Variants in SYNE3 observed in about 807,000 individuals in gnomAD.
SYNE3 encodes the protein nesprin-3.
Under a neutral mutation model 111.2 loss-of-function variants are expected in SYNE3, and 100 were observed. That is an observed-to-expected ratio of 0.90 (90% CI 0.77 to 1.06). SYNE3 has a LOEUF of 1.06. SYNE3 is among the 50% of genes least tolerant of loss of function. The probability of loss-of-function intolerance (pLI) is 0.00; values close to 1 mark genes in which losing one functional copy is unlikely to be tolerated. For missense variants in SYNE3, 1,160 were observed against 1,240.3 expected, an observed-to-expected ratio of 0.94 and a Z score of 0.97; for synonymous variants, 547 against 533.9, an observed-to-expected ratio of 1.02 and a Z score of -0.34.
rs561918088 is a variant in SYNE3, at chr14:95,457,233, C to A, written c.733G>T (p.Gly245Cys). 3.2e-5 allele frequency: 51 copies of A among 1,614,034 alleles called. No homozygotes were observed. The highest frequency in any genetic ancestry group is 4.2e-5 in the Non-Finnish European group (50 of 1,180,034). The change falls in exon 5 of 18, where the codon GGC (glycine) becomes TGC (cysteine). Residue 245 changes from glycine (G) to cysteine (C), a missense_variant. Coordinates refer to ENST00000682763, the MANE Select transcript of SYNE3 (RefSeq NM_152592.6). ...WLKAVVEKVNGCLGRNCKLPI... is the reference protein window; with the variant it reads ...WLKAVVEKVNCCLGRNCKLPI... ...AGCTTGCAGTTCCGCCCCAGGCAGC[C>A]ATTCACCTTCTCCACCACCGCCTTC...
chr14:95,469,034 T>C (rs1888362468), intron 2 of SYNE3, among the ~76,000 whole-genome samples: 1 of 152,186 alleles, frequency 6.6e-6, no homozygotes, highest in African/African-American at 2.4e-5. Flanking sequence ...GGGAGAGCCA[T>C]GAGCACGCTG....
At position 95,500,478 on chromosome 14, in the gene SYNE3, C is replaced by T. The variant is rs1890295328; in HGVS notation, c.-15+16118G>A. Among the ~76,000 whole-genome samples the T allele has an allele frequency of 6.6e-6, 1 of 152,210 alleles. No individual in the cohort carries two copies. The highest frequency in any genetic ancestry group is 2.4e-5 in the African/African-American group (1 of 41,448). On this transcript the variant is annotated intron_variant, in intron 1 of 17. Transcript: ENST00000682763. The surrounding 1 kb of genome is among the most constrained non-coding windows in gnomAD (Gnocchi z 4.7). ...CCAGACCTCAGCACCAGCGGCCGCC[C>T]ACAGCCAGGCAGCAGGGAGAAGCTG...
At chr14:95,489,638 G>A (rs2139564869) in intron 1 of SYNE3, among the ~76,000 whole-genome samples, 1 of 152,338 alleles carries the variant, frequency 6.6e-6, no homozygotes, top group African/African-American at 2.4e-5. Context: ...TATTTTTAGA[G>A]ACAGGGTCTT....
At chr14:95,439,425 G>A (rs916775580) in intron 13 of SYNE3, among the ~76,000 whole-genome samples, 187 bp downstream of exon 13, 14 of 152,196 alleles carry the variant, frequency 9.2e-5, no homozygotes, top group Non-Finnish European at 1.5e-4. Flanking sequence ...CTCCCAAGAC[G>A]GGGACATTTC....
At chr14:95,489,730 C>T (rs548648632) in intron 1 of SYNE3, among the ~76,000 whole-genome samples, 67 of 151,620 alleles carry the variant, frequency 4.4e-4, no homozygotes, top group Non-Finnish European at 6.3e-4. Flanking sequence ...ACTACAGTCA[C>T]GAGCCACCAT....
intron 1 of SYNE3, among the ~76,000 whole-genome samples, chr14:95,481,824 G>A (rs1889275216): frequency 6.6e-6 from 1 of 152,272 alleles, no homozygotes; most frequent in Admixed American, 6.5e-5. Flanking sequence ...AATTGGCCGA[G>A]ATGCAATTTG....
rs765842954 is a variant in SYNE3, at chr14:95,436,803, T to G, written c.2538+17A>C. ...GTGCAAACCTTATGGATGAGGGACCTTTCCTGGGGAACAGACCTGCAGCTT... is the reference window on the plus strand; with the variant it reads ...GTGCAAACCTTATGGATGAGGGACCGTTCCTGGGGAACAGACCTGCAGCTT... On this transcript the variant is annotated intron_variant, in intron 15 of 17. Transcript: ENST00000682763. 2 of 1,612,868 alleles carry G rather than the reference T, an allele frequency of 1.2e-6. No homozygotes were observed. The highest frequency in any genetic ancestry group is 1.7e-6 in the Non-Finnish European group (2 of 1,179,756).
At chr14:95,471,944 C>T (rs1394719205) in intron 2 of SYNE3, among the ~76,000 whole-genome samples, 1 of 152,208 alleles carries the variant, frequency 6.6e-6, no homozygotes, top group African/African-American at 2.4e-5. Flanking sequence ...AGGTGACCCC[C>T]AGCTGAGCAT....
chr14:95,454,743 C>T (rs1307828262), intron 6 of SYNE3, among the ~76,000 whole-genome samples: 1 of 152,228 alleles, frequency 6.6e-6, no homozygotes, highest in Non-Finnish European at 1.5e-5. Flanking sequence ...TTGGAGGTAT[C>T]TCCTCTCATG....
intron 6 of SYNE3, among the ~76,000 whole-genome samples, chr14:95,453,990 CA>C (rs1461882861): frequency 5.3e-5 from 8 of 152,272 alleles, no homozygotes; most frequent in Non-Finnish European, 1.2e-4. Context: ...TTGGGAGGCT[CA>C]GGAGGGTGGA....
At position 95,446,109 on chromosome 14, in the gene SYNE3, T is replaced by C. The variant is rs1431421213; in HGVS notation, c.1450-18A>G. 8.7e-6 allele frequency: 14 copies of C among 1,613,420 alleles called. No individual in the cohort carries two copies. Among genetic ancestry groups the C allele is most frequent in the Non-Finnish European group, 1.1e-5 (13 of 1,179,786 alleles). ...AGGGCTGCCTGTGGGAGACAAGGCT[T>C]CCGTGAACCACAGACCGGGCAGGAC... On this transcript the variant is annotated intron_variant, in intron 8 of 17. Coordinates refer to ENST00000682763, the MANE Select transcript of SYNE3 (RefSeq NM_152592.6).
chr14:95,489,139 C>A (rs1043700900), intron 1 of SYNE3, among the ~76,000 whole-genome samples: 1 of 152,218 alleles, frequency 6.6e-6, no homozygotes, highest in African/African-American at 2.4e-5. Context: ...CAACTCCCTG[C>A]AGGCAACTCT....
At chr14:95,464,648 G>A (rs7158966) in intron 4 of SYNE3, among the ~76,000 whole-genome samples, 105,887 of 152,030 alleles carry the variant, frequency 0.7, 37,138 homozygotes, top group African/African-American at 0.76. Context: ...TCACTGACAT[G>A]AAAATAGGAG....
At chr14:95,432,526 G>A (rs529823550) in intron 16 of SYNE3, among the ~76,000 whole-genome samples, 10 of 152,270 alleles carry the variant, frequency 6.6e-5, no homozygotes, top group Non-Finnish European at 1.0e-4. Context: ...CTTAATGTCC[G>A]TGCCTCAGTT....
chr14:95,428,037 A>G (rs1885538316), intron 17 of SYNE3, among the ~76,000 whole-genome samples: 1 of 152,240 alleles, frequency 6.6e-6, no homozygotes. Flanking sequence ...AACAGCAACC[A>G]AGATGGTGCA....
At chr14:95,418,094 G>A (rs960103608) in intron 17 of SYNE3, 68 bp from the exon 18 acceptor site, 9 of 1,547,748 alleles carry the variant, frequency 5.8e-6, no homozygotes, top group Non-Finnish European at 7.9e-6. Context: ...GGTTCAGGGG[G>A]CGAGGAGGAT....
rs190608812 is a variant in SYNE3, at chr14:95,421,367, C to T, written c.2728-3341G>A. 3.8e-4 allele frequency among the ~76,000 whole-genome samples: 58 copies of T among 152,212 alleles called. No homozygotes were observed. The South Asian group carries it at 4.8e-3, about 13-fold the overall frequency. ...TCTGAGACTCCAGATTTCTGGGGATCGCAGGCTAGAGTTCATCACAGTCCA... is the reference window on the plus strand; with the variant it reads ...TCTGAGACTCCAGATTTCTGGGGATTGCAGGCTAGAGTTCATCACAGTCCA... On this transcript the variant is annotated intron_variant, in intron 17 of 17. Transcript: ENST00000682763.
chr14:95,424,297 C>A (rs555071457), intron 17 of SYNE3, among the ~76,000 whole-genome samples: 23 of 151,736 alleles, frequency 1.5e-4, no homozygotes, highest in Non-Finnish European at 3.1e-4. Flanking sequence ...GGAGAGCCAC[C>A]CACCAGATGG....
intron 1 of SYNE3, among the ~76,000 whole-genome samples, chr14:95,484,960 T>A (rs1889463635): frequency 2.0e-5 from 3 of 152,128 alleles, no homozygotes; most frequent in African/African-American, 7.2e-5. Flanking sequence ...GATGGCTGGA[T>A]CCCACCCCCA....
Sources: gnomAD v4.1 joint callset for allele counts (sites outside exome capture counted in the v4.1 genomes callset) on GRCh38, gnomAD v4.1.1 for gene constraint, Gnocchi (gnomAD v3.1) non-coding constraint, MANE v1.5 for transcripts, NCBI Gene and HGNC (gene_info 2026-07-23, HGNC 2026-07-21) for gene names.